Variants in PPA2 observed in about 807,000 individuals in gnomAD.
PPA2 encodes the protein inorganic pyrophosphatase 2.
PPA2 carries 48 observed loss-of-function variants against 49.5 expected under a neutral mutation model. That is an observed-to-expected ratio of 0.97 (90% CI 0.77 to 1.23). The LOEUF (loss-of-function observed/expected upper bound fraction) is 1.23. Ranked by LOEUF, PPA2 falls within the 50% of genes most tolerant of loss-of-function variation. The pLI, the probability that PPA2 is intolerant of heterozygous loss-of-function variation, is 0.00. For synonymous variants in PPA2, 131 were observed against 139.9 expected (o/e 0.94, Z 0.45); for missense variants, 429 against 410.1 (o/e 1.05, Z -0.40).
chr4:105,409,284 G>A (rs989083287), intron 7 of PPA2, among the ~76,000 whole-genome samples: 7 of 152,234 alleles, frequency 4.6e-5, no homozygotes, highest in Non-Finnish European at 1.0e-4. Context: ...CACCCACGGA[G>A]CCTTGTTCAC....
intron 11 of PPA2, 141 bp downstream of exon 11, chr4:105,370,696 C>T (rs1039147444): frequency 2.0e-4 from 235 of 1,148,570 alleles, no homozygotes; most frequent in Non-Finnish European, 2.6e-4. Flanking sequence ...GAAATTTTAG[C>T]GACTATTTTA....
intron 10 of PPA2, among the ~76,000 whole-genome samples, chr4:105,381,861 ATATT>A (rs1733501458): frequency 1.3e-5 from 2 of 151,992 alleles, no homozygotes; most frequent in Admixed American, 1.3e-4. Flanking sequence ...GTTTCATTAA[ATATT>A]TACTCTACTC....
intron 3 of PPA2, among the ~76,000 whole-genome samples, chr4:105,449,815 G>A (rs1342260867): frequency 1.3e-5 from 2 of 152,190 alleles, no homozygotes; most frequent in Non-Finnish European, 2.9e-5. Context: ...CTCACCACAT[G>A]AGGTTGTTAC....
At chr4:105,406,203 C>T (rs1021643812) in intron 7 of PPA2, among the ~76,000 whole-genome samples, 14 of 123,332 alleles carry the variant, frequency 1.1e-4, no homozygotes, top group African/African-American at 4.1e-4. Context: ...AGGAAAAAAA[C>T]AAAAAAACAA....
intron 1 of PPA2, among the ~76,000 whole-genome samples, chr4:105,469,404 ATTAC>A (rs1245423134): frequency 1.3e-5 from 2 of 152,226 alleles, no homozygotes; most frequent in Admixed American, 1.3e-4. Context: ...ATGAAAGTTT[ATTAC>A]TTACACTAGA....
intron 10 of PPA2, among the ~76,000 whole-genome samples, chr4:105,377,560 T>C (rs1441332833): frequency 6.6e-6 from 1 of 152,188 alleles, no homozygotes; most frequent in Non-Finnish European, 1.5e-5. Context: ...AGACTAACAT[T>C]GACCTGAAAT....
chr4:105,425,723 TACACACACACAC>T lies in PPA2; in HGVS notation c.529-1413_529-1402del, dbSNP rs59144523. Among the ~76,000 whole-genome samples the T allele has an allele frequency of 2.6e-3, 314 of 122,528 alleles. 4 individuals carry two copies. Among genetic ancestry groups the T allele is most frequent in the African/African-American group, 8.8e-3 (282 of 31,974 alleles). 80.4% of individuals were successfully genotyped at this position (122,528 alleles called of 152,430 possible). On this transcript the variant is annotated intron_variant, in intron 6 of 11. Transcript: ENST00000341695. The stretch of plus-strand genomic sequence containing the variant: ...CAGATTGAGAAAGGACACATGCACA[TACACACACACAC>T]ACACACACACACACACACACACACA...
intron 9 of PPA2, among the ~76,000 whole-genome samples, chr4:105,391,343 A>AC (rs1733912296): frequency 7.0e-6 from 1 of 143,724 alleles, no homozygotes; most frequent in African/African-American, 2.6e-5. Flanking sequence ...ACTTAAAGTA[A>AC]CAAAAAAAAA....
At chr4:105,392,273 CA>C (rs902620414) in intron 9 of PPA2, among the ~76,000 whole-genome samples, 8 of 147,330 alleles carry the variant, frequency 5.4e-5, no homozygotes, top group African/African-American at 5.0e-5. Flanking sequence ...ACAACAACAA[CA>C]AAAAAAAAAA....
At position 105,419,068 on chromosome 4, in the gene PPA2, T is replaced by G. The variant is rs530461366; in HGVS notation, c.655+5128A>C. Among the ~76,000 whole-genome samples the G allele has an allele frequency of 6.6e-5, 10 of 152,300 alleles. No individual in the cohort carries two copies. In the South Asian group the frequency reaches 1.4e-3, roughly 22 times the overall value. On this transcript the variant is annotated intron_variant, in intron 7 of 11. Transcript: ENST00000341695. ...GAGTCTTATTAACTCTTTCAGGCCA[T>G]TAGGGTACCAATAAGAGCATTAGGG... is the stretch of plus-strand genomic sequence containing the variant.
At chr4:105,432,563 T>C (rs1723861393) in intron 6 of PPA2, among the ~76,000 whole-genome samples, 1 of 152,196 alleles carries the variant, frequency 6.6e-6, no homozygotes, top group African/African-American at 2.4e-5. Context: ...TATAAATATG[T>C]GGATCAATTC....
intron 6 of PPA2, among the ~76,000 whole-genome samples, chr4:105,425,761 CA>C (rs1321115392): frequency 1.3e-4 from 18 of 141,486 alleles, no homozygotes; most frequent in African/African-American, 5.3e-4. Flanking sequence ...CACACACACA[CA>C]CCCATCAGAA....
intron 1 of PPA2, chr4:105,473,669 C>T (rs1325011211): frequency 1.3e-6 from 1 of 795,384 alleles, no homozygotes; most frequent in East Asian, 2.5e-5. Flanking sequence ...CCCTGCGCCT[C>T]TGCTCTCCGC....
At chr4:105,410,715 C>T (rs549309457) in intron 7 of PPA2, among the ~76,000 whole-genome samples, 1 of 152,204 alleles carries the variant, frequency 6.6e-6, no homozygotes, top group Non-Finnish European at 1.5e-5. Context: ...CAGCTGATCA[C>T]TCTGCAGAAA....
At chr4:105,465,439 C>T (rs552404638) in intron 1 of PPA2, among the ~76,000 whole-genome samples, 3 of 152,230 alleles carry the variant, frequency 2.0e-5, no homozygotes, top group East Asian at 1.9e-4. Context: ...GGATGCTTTC[C>T]GGGCATCCTA....
At chr4:105,421,745 T>C (rs1297494506) in intron 7 of PPA2, among the ~76,000 whole-genome samples, 2 of 152,118 alleles carry the variant, frequency 1.3e-5, no homozygotes, top group East Asian at 1.9e-4. Context: ...TGTGTGATTC[T>C]TAAAACTACC....
At chr4:105,386,490 TAG>T in intron 10 of PPA2, 75 bp downstream of exon 10, 1 of 1,361,476 alleles carries the variant, frequency 7.3e-7, no homozygotes, top group South Asian at 1.3e-5. Flanking sequence ...ATTTCATTGC[TAG>T]AGATTTCAGA....
chr4:105,468,618 G>A (rs1723402129), intron 1 of PPA2, among the ~76,000 whole-genome samples: 1 of 152,068 alleles, frequency 6.6e-6, no homozygotes, highest in Non-Finnish European at 1.5e-5. Flanking sequence ...AAAAAGACTA[G>A]AAAAAATCAC....
At chr4:105,417,655 G>A (rs1276829788) in intron 7 of PPA2, among the ~76,000 whole-genome samples, 1 of 151,546 alleles carries the variant, frequency 6.6e-6, no homozygotes, top group Non-Finnish European at 1.5e-5. Flanking sequence ...AACTCGATTT[G>A]TCCTTGTTCC....
Sources: gnomAD v4.1 joint callset for allele counts (sites outside exome capture counted in the v4.1 genomes callset) on GRCh38, gnomAD v4.1.1 for gene constraint, MANE v1.5 for transcripts, NCBI Gene and HGNC (gene_info 2026-07-23, HGNC 2026-07-21) for gene names.